Variants in CADM1 observed in about 807,000 individuals in gnomAD.
The protein encoded by CADM1 is cell adhesion molecule 1, also known as TSLC-1.
Under a neutral mutation model 53.1 loss-of-function variants are expected in CADM1, and 15 were observed. The observed-to-expected ratio is 0.28, with a 90% CI of 0.19 to 0.44. CADM1 has a LOEUF of 0.44. CADM1 is among the 20% of genes least tolerant of loss of function. CADM1 has a pLI of 1.00. For synonymous variants in CADM1, 281 were observed against 243.0 expected (o/e 1.16, Z -1.45); for missense variants, 434 against 611.3 (o/e 0.71, Z 3.06).
intron 9 of CADM1, among the ~76,000 whole-genome samples, chr11:115,198,036 T>C (rs1940243436): frequency 5.3e-5 from 8 of 152,204 alleles, no homozygotes; most frequent in Admixed American, 5.2e-4. Context: ...GGCCTATATA[T>C]AAACAAAGCA....
At chr11:115,346,236 G>A (rs1313382090) in intron 1 of CADM1, among the ~76,000 whole-genome samples, 1 of 152,176 alleles carries the variant, frequency 6.6e-6, no homozygotes, top group Non-Finnish European at 1.5e-5. Context: ...CCCACTGCAT[G>A]GCTTGGCTTG....
Position 115,175,868 on chromosome 11 carries a change from T to A in CADM1, c.*606A>T. On this transcript the variant is annotated 3_prime_UTR_variant, in exon 12 of 12. Coordinates refer to ENST00000331581, the MANE Select transcript of CADM1 (RefSeq NM_001301043.2). The stretch of plus-strand genomic sequence containing the variant: ...GGCAGCAGCAAAGAGTTTTCATTGT[T>A]TGTTCACCCAAATCTTTACGACAAC... 1.0e-6 allele frequency: 1 copy of A among 994,234 alleles called. No homozygotes were observed. The allele number at this position is 994,234 out of a possible 1,614,324, so 61.6% of individuals were successfully genotyped here.
At chr11:115,264,587 T>C (rs956836650) in intron 1 of CADM1, among the ~76,000 whole-genome samples, 1 of 152,184 alleles carries the variant, frequency 6.6e-6, no homozygotes, top group Admixed American at 6.5e-5. Flanking sequence ...ACAAGGATAT[T>C]TGTGCTGATG....
In CADM1 at chr11:115,178,946, G is replaced by A. The variant is rs1939178743; in HGVS notation, c.1166-171C>T. On this transcript the variant is annotated intron_variant, in intron 10 of 11. Coordinates refer to ENST00000331581, the MANE Select transcript of CADM1 (RefSeq NM_001301043.2). ...GAGGTAACAGGCTGACCTGTCCAGT[G>A]CTGAATCGATCTGTTCTCCCCACGA... is the stretch of plus-strand genomic sequence containing the variant. 8 of 717,236 alleles carry A rather than the reference G, an allele frequency of 1.1e-5. No homozygotes were observed. In the South Asian group the frequency reaches 1.2e-4, roughly 11 times the overall value. The allele number at this position is 717,236 out of a possible 1,614,324, so 44.4% of individuals were successfully genotyped here.
intron 11 of CADM1, among the ~76,000 whole-genome samples, 171 bp from the exon 12 acceptor site, chr11:115,176,763 G>A (rs1939050023): frequency 2.0e-5 from 3 of 152,116 alleles, no homozygotes; most frequent in Admixed American, 6.5e-5. Flanking sequence ...AGGGGGATCC[G>A]GGGGTTCCAA....
chr11:115,407,873 TAAAAAAAAAAAAAAAAAAAAA>T (rs148209064), intron 1 of CADM1, among the ~76,000 whole-genome samples: 120 of 31,758 alleles, frequency 3.8e-3, no homozygotes, highest in African/African-American at 0.016. Context: ...CCCTGTCATT[TAAAAAAAAAAAAAAAAAAAAA>T]AAAAAAAAAA....
chr11:115,333,872 A>T (rs1945194869), intron 1 of CADM1, among the ~76,000 whole-genome samples: 1 of 152,170 alleles, frequency 6.6e-6, no homozygotes, highest in Non-Finnish European at 1.5e-5. Context: ...TTAGAAAAGA[A>T]CAGGTTATTT....
intron 1 of CADM1, among the ~76,000 whole-genome samples, chr11:115,443,064 G>A (rs1054972656): frequency 2.0e-5 from 3 of 152,198 alleles, no homozygotes; most frequent in Admixed American, 2.0e-4. Context: ...ATGTACTTCA[G>A]TACCTCTTTC....
chr11:115,186,977 C>T (rs553469019), intron 10 of CADM1, among the ~76,000 whole-genome samples: 35 of 152,274 alleles, frequency 2.3e-4, no homozygotes, highest in African/African-American at 8.4e-4. Flanking sequence ...CCCTGGTGCC[C>T]AGCCCAGAGC....
chr11:115,192,834 T>A (rs1939947938), intron 9 of CADM1, among the ~76,000 whole-genome samples: 1 of 152,234 alleles, frequency 6.6e-6, no homozygotes, highest in South Asian at 2.1e-4. Flanking sequence ...GATATACACC[T>A]CATTAAAGTG....
chr11:115,312,155 TATA>T (rs1392683186), intron 1 of CADM1, among the ~76,000 whole-genome samples: 1 of 152,138 alleles, frequency 6.6e-6, no homozygotes, highest in Non-Finnish European at 1.5e-5. Flanking sequence ...TAGGAGCTGC[TATA>T]ATAAGTGAGC....
intron 1 of CADM1, among the ~76,000 whole-genome samples, chr11:115,452,687 G>C (rs1170218354): frequency 3.3e-5 from 5 of 152,118 alleles, no homozygotes; most frequent in African/African-American, 1.2e-4. Flanking sequence ...ATAAAAATAA[G>C]ACCAGCACAA....
At chr11:115,350,124 AC>A (rs1261237360) in intron 1 of CADM1, among the ~76,000 whole-genome samples, 3 of 152,162 alleles carry the variant, frequency 2.0e-5, no homozygotes, top group Non-Finnish European at 4.4e-5. Context: ...GGCATGTGCC[AC>A]CATGACTGGC....
At chr11:115,276,748 G>A (rs1379017436) in intron 1 of CADM1, among the ~76,000 whole-genome samples, 2 of 152,130 alleles carry the variant, frequency 1.3e-5, no homozygotes, top group African/African-American at 4.8e-5. Flanking sequence ...ATTAGTTGTT[G>A]ATTAGAATGC....
At chr11:115,306,974 A>G (rs1183021725) in intron 1 of CADM1, among the ~76,000 whole-genome samples, 4 of 152,118 alleles carry the variant, frequency 2.6e-5, no homozygotes, top group South Asian at 4.1e-4. Context: ...TAAGTTGTCC[A>G]TCAATATTCC....
chr11:115,376,066 G>T (rs2135139717), intron 1 of CADM1, among the ~76,000 whole-genome samples: 1 of 152,136 alleles, frequency 6.6e-6, no homozygotes, highest in East Asian at 1.9e-4. Context: ...AAAAACAAAA[G>T]TGAGAAGCCA....
chr11:115,170,329 T>C lies in CADM1; in HGVS notation c.*6145A>G, dbSNP rs1043799100. 1.3e-5 allele frequency: 2 copies of C among 152,140 alleles called. No homozygotes were observed. Among genetic ancestry groups the C allele is most frequent in the African/African-American group, 4.8e-5 (2 of 41,400 alleles). 9.4% of individuals were successfully genotyped at this position (152,140 alleles called of 1,614,324 possible). Reference sequence around the variant, plus strand: ...TGCATGTGTGTGAGAGAAAAAGCAGTAGACAATGTCAGGTTCCTTGTTGGA... The same window carrying C: ...TGCATGTGTGTGAGAGAAAAAGCAGCAGACAATGTCAGGTTCCTTGTTGGA... On this transcript the variant is annotated 3_prime_UTR_variant, in exon 12 of 12. Transcript: ENST00000331581.
intron 1 of CADM1, among the ~76,000 whole-genome samples, chr11:115,394,833 A>AT (rs1012460847): frequency 1.2e-4 from 19 of 152,170 alleles, no homozygotes; most frequent in African/African-American, 3.9e-4. Context: ...TTTGAAGCCA[A>AT]TTTTTTTAAA....
chr11:115,340,961 T>C (rs1428328426), intron 1 of CADM1, among the ~76,000 whole-genome samples: 1 of 151,656 alleles, frequency 6.6e-6, no homozygotes, highest in East Asian at 1.9e-4. Context: ...AGCCAGAACA[T>C]AAAAAACTGT....
Sources: gnomAD v4.1 joint callset for allele counts (sites outside exome capture counted in the v4.1 genomes callset) on GRCh38, gnomAD v4.1.1 for gene constraint, MANE v1.5 for transcripts, NCBI Gene and HGNC (gene_info 2026-07-23, HGNC 2026-07-21) for gene names.